The following PPIP5K2 variants were observed in gnomAD, a reference collection of about 807,000 sequenced individuals.
The protein encoded by PPIP5K2 is inositol hexakisphosphate and diphosphoinositol-pentakisphosphate kinase 2.
PPIP5K2 carries 105 observed loss-of-function variants against 154.6 expected under a neutral mutation model. The ratio of observed to expected loss-of-function variants is 0.68; its 90% CI spans 0.58 to 0.80. PPIP5K2 has a LOEUF of 0.80. Ranked by LOEUF, PPIP5K2 falls within the 30% of genes least tolerant of loss-of-function variation. The pLI is 0.00. For synonymous variants in PPIP5K2, 480 were observed against 490.3 expected, an observed-to-expected ratio of 0.98 and a Z score of 0.28; for missense variants, 992 against 1,504.6, an observed-to-expected ratio of 0.66 and a Z score of 5.64.
intron 10 of PPIP5K2, 67 bp downstream of exon 10, chr5:103,152,816 T>C: frequency 1.8e-6 from 2 of 1,104,594 alleles, no homozygotes; most frequent in South Asian, 2.8e-5. Flanking sequence ...AGGATAAAAA[T>C]TAAATTTCTG....
chr5:103,132,277 C>G (rs1291050785), intron 2 of PPIP5K2, among the ~76,000 whole-genome samples: 1 of 152,172 alleles, frequency 6.6e-6, no homozygotes, highest in African/African-American at 2.4e-5. Flanking sequence ...CGTGGTAGCT[C>G]ACGCCTGTAA....
intron 13 of PPIP5K2, among the ~76,000 whole-genome samples, chr5:103,155,512 C>T (rs1343306442): frequency 7.1e-6 from 1 of 141,272 alleles, no homozygotes; most frequent in Non-Finnish European, 1.5e-5. Context: ...TGCAACCTCT[C>T]CCCCTCCCAA....
chr5:103,169,076 G>T (rs1035665209), intron 19 of PPIP5K2, among the ~76,000 whole-genome samples: 1 of 151,776 alleles, frequency 6.6e-6, no homozygotes, highest in African/African-American at 2.4e-5. Flanking sequence ...TCTTTTGGGG[G>T]ACATGGGTCT....
At position 103,133,635 on chromosome 5, in the gene PPIP5K2, T is replaced by G. The variant is rs1013990890; in HGVS notation, c.297T>G (p.Ser99=). The G allele has an allele frequency of 1.2e-6, 2 of 1,602,482 alleles. No individual in the cohort carries two copies. The highest frequency in any genetic ancestry group is 1.7e-6 in the Non-Finnish European group (2 of 1,176,008). ...GGCCTTTATGTGATTGTCTTATTTC[T>G]TTCCATTCTAAAGGTATTAAGGGGA... ...ENWPLCDCLI[S]FHSKGFPLDK... The change falls in exon 3 of 31, where the codon TCT becomes TCG. Residue 99 remains serine, a synonymous_variant. Coordinates refer to ENST00000358359, the MANE Select transcript of PPIP5K2 (RefSeq NM_001276277.3).
At chr5:103,195,187 T>C (rs1801894374) in intron 30 of PPIP5K2, among the ~76,000 whole-genome samples, 162 bp downstream of exon 30, 1 of 152,220 alleles carries the variant, frequency 6.6e-6, no homozygotes. Flanking sequence ...AATTGATATA[T>C]ATTTGTTTTT....
chr5:103,123,315 GAA>G (rs1789096297), intron 1 of PPIP5K2, among the ~76,000 whole-genome samples: 1 of 152,192 alleles, frequency 6.6e-6, no homozygotes, highest in Admixed American at 6.5e-5. Flanking sequence ...GCAACTTGCA[GAA>G]AAAGTTTTCA....
In PPIP5K2 at chr5:103,167,296, C is replaced by A; in HGVS notation, c.2038C>A (p.Arg680=). The A allele has an allele frequency of 6.3e-7, 1 of 1,586,292 alleles. No individual in the cohort carries two copies. Among genetic ancestry groups the A allele is most frequent in the Non-Finnish European group, 8.6e-7 (1 of 1,167,064 alleles). ...IQSLTSQIRH[R]MEDPKSSDIQ... ...GAGTTTGACTTCTCAAATCAGACATCGAATGGAAGATCCTAAATCATCAGG... is the reference window on the plus strand; with the variant it reads ...GAGTTTGACTTCTCAAATCAGACATAGAATGGAAGATCCTAAATCATCAGG... The change falls in exon 18 of 31, where the codon CGA becomes AGA. Residue 680 remains arginine (R), a synonymous_variant. Transcript: ENST00000358359.
At chr5:103,149,462 C>T (rs1405218075) in intron 8 of PPIP5K2, 149 bp downstream of exon 8, 1 of 576,836 alleles carries the variant, frequency 1.7e-6, no homozygotes, top group Non-Finnish European at 2.8e-6. Flanking sequence ...TCAAGGGATT[C>T]TTGTGGTGCC....
rs570865682 is a variant in PPIP5K2, at chr5:103,142,178, T to C, written c.487+3709T>C. ...AGGCTGCAGGTCCCGAGCCCTGCCCTGCGGGAAGGCAGCTAAGGCTCGGTG... is the reference window on the plus strand; with the variant it reads ...AGGCTGCAGGTCCCGAGCCCTGCCCCGCGGGAAGGCAGCTAAGGCTCGGTG... On this transcript the variant is annotated intron_variant, in intron 5 of 30. Coordinates refer to ENST00000358359, the MANE Select transcript of PPIP5K2 (RefSeq NM_001276277.3). Among the ~76,000 whole-genome samples the C allele has an allele frequency of 9.0e-3, 1,370 of 152,306 alleles. 8 individuals carry two copies. Among genetic ancestry groups the C allele is most frequent in the Non-Finnish European group, 0.013 (857 of 68,010 alleles).
At position 103,208,395 on chromosome 5, in the gene PPIP5K2, T is replaced by G. The variant is rs1382782849; in HGVS notation, c.*6761T>G. 1 of 152,248 alleles carries G rather than the reference T, an allele frequency of 6.6e-6. No individual in the cohort carries two copies. The highest frequency in any genetic ancestry group is 2.4e-5 in the African/African-American group (1 of 41,456). The allele number at this position is 152,248 out of a possible 1,614,324, so 9.4% of individuals were successfully genotyped here. A position where few individuals can be genotyped will look rare whatever the true frequency, so the allele number is the denominator to read the frequency against. ...TGAGCCATCATGCCCGGCCGTAGGT[T>G]GGCATTTTAAGCTCACACAATCCTA... On this transcript the variant is annotated 3_prime_UTR_variant, in exon 31 of 31. Coordinates refer to ENST00000358359, the MANE Select transcript of PPIP5K2 (RefSeq NM_001276277.3).
At chr5:103,140,294 T>G (rs1792340789) in intron 5 of PPIP5K2, among the ~76,000 whole-genome samples, 1 of 152,040 alleles carries the variant, frequency 6.6e-6, no homozygotes, top group African/African-American at 2.4e-5. Context: ...GATACGAATA[T>G]GCATAGGTCA....
chr5:103,170,483 C>A (rs1239343194), intron 19 of PPIP5K2, among the ~76,000 whole-genome samples: 1 of 151,342 alleles, frequency 6.6e-6, no homozygotes, highest in Non-Finnish European at 1.5e-5. Context: ...AAAATTATGC[C>A]CAAGTTTACA....
intron 24 of PPIP5K2, among the ~76,000 whole-genome samples, chr5:103,181,149 G>A (rs2149746491): frequency 6.6e-6 from 1 of 152,198 alleles, no homozygotes; most frequent in African/African-American, 2.4e-5. Flanking sequence ...TTTAGCACCT[G>A]TATACATTTT....
chr5:103,132,230 C>T lies in PPIP5K2; in HGVS notation c.115-1223C>T, dbSNP rs543363238. 1.5e-4 allele frequency among the ~76,000 whole-genome samples: 23 copies of T among 152,244 alleles called. No individual in the cohort carries two copies. In the East Asian group the frequency reaches 4.4e-3, roughly 29 times the overall value. On this transcript the variant is annotated intron_variant, in intron 2 of 30. Coordinates refer to ENST00000358359, the MANE Select transcript of PPIP5K2 (RefSeq NM_001276277.3). Reference sequence around the variant, plus strand: ...AGTTTGAGGAGACAATACAGAAATACTGTTCTAGGCATAAAAAAAGAACAA... The same window carrying T: ...AGTTTGAGGAGACAATACAGAAATATTGTTCTAGGCATAAAAAAAGAACAA...
chr5:103,176,622 C>CTAGTGTATACATACT lies in PPIP5K2; in HGVS notation c.2530-1044_2530-1043insAGTGTATACATACTT, dbSNP rs536793360. On this transcript the variant is annotated intron_variant, in intron 21 of 30. Coordinates refer to ENST00000358359, the MANE Select transcript of PPIP5K2 (RefSeq NM_001276277.3). The stretch of plus-strand genomic sequence containing the variant: ...ACTAAAGTCCATAATATTGTATACT[C>CTAGTGTATACATACT]TTAGTGTATACAAAAAGGAAATGTT... Among the ~76,000 whole-genome samples, 312 of 149,608 alleles carry CTAGTGTATACATACT rather than the reference C, an allele frequency of 2.1e-3. 1 individual carries two copies. The highest frequency in any genetic ancestry group is 1.2e-3 in the Non-Finnish European group (77 of 66,776).
rs70990423 is a variant in PPIP5K2, at chr5:103,155,406, C to CTT, written c.1404-466_1404-465dup. On this transcript the variant is annotated intron_variant, in intron 13 of 30. Coordinates refer to ENST00000358359, the MANE Select transcript of PPIP5K2 (RefSeq NM_001276277.3). ...CTGTACTTTATCTCTTCAGAGTTGT[C>CTT]TTTTTTTTTTTTTTTTTTTTTTTTT... is the stretch of plus-strand genomic sequence containing the variant. 7.6e-4 allele frequency among the ~76,000 whole-genome samples: 16 copies of CTT among 21,090 alleles called. 8 individuals carry two copies. The highest frequency in any genetic ancestry group is 4.2e-3 in the East Asian group (2 of 474). 13.8% of individuals were successfully genotyped at this position (21,090 alleles called of 152,430 possible).
intron 2 of PPIP5K2, among the ~76,000 whole-genome samples, chr5:103,130,988 G>A (rs573756513): frequency 2.6e-5 from 4 of 152,010 alleles, no homozygotes; most frequent in East Asian, 1.9e-4. Context: ...CATACCATGC[G>A]TCTTTGCTAT....
intron 5 of PPIP5K2, among the ~76,000 whole-genome samples, chr5:103,139,335 T>C (rs1792144522): frequency 6.6e-6 from 1 of 152,060 alleles, no homozygotes; most frequent in African/African-American, 2.4e-5. Context: ...ATTGTCCCAC[T>C]CCCCACAGGA....
rs188526777 is a variant in PPIP5K2, at chr5:103,171,464, A to T, written c.2287-1691A>T. ...ATTGAAATCACCATAGAAAGCTTTC[A>T]AGTCGCCTTAGCTGGTATTTTAATC... On this transcript the variant is annotated intron_variant, in intron 19 of 30. Coordinates refer to ENST00000358359, the MANE Select transcript of PPIP5K2 (RefSeq NM_001276277.3). Among the ~76,000 whole-genome samples the T allele has an allele frequency of 2.6e-5, 4 of 151,654 alleles. No homozygotes were observed. The East Asian group carries it at 7.7e-4, about 29-fold the overall frequency.
Sources: allele counts gnomAD v4.1 joint callset (sites outside exome capture counted in the v4.1 genomes callset), GRCh38; gene constraint gnomAD v4.1.1; transcripts MANE v1.5; gene names NCBI Gene and HGNC (gene_info 2026-07-23, HGNC 2026-07-21).